Variants in GRK4 observed in about 807,000 individuals in gnomAD.
GRK4 encodes the protein G protein-coupled receptor kinase 4.
Under a neutral mutation model 77.9 loss-of-function variants are expected in GRK4, and 73 were observed. That is an observed-to-expected ratio of 0.94 (90% confidence interval 0.78 to 1.14). The LOEUF (loss-of-function observed/expected upper bound fraction) is 1.14, where lower values mean the gene tolerates loss of function less well. Ranked by LOEUF, GRK4 falls within the 50% of genes most tolerant of loss-of-function variation. The probability of loss-of-function intolerance (pLI) is 0.00; values close to 1 mark genes in which losing one functional copy is unlikely to be tolerated. For missense variants in GRK4, 729 were observed against 700.2 expected, an observed-to-expected ratio of 1.04 and a Z score of -0.46; for synonymous variants, 257 against 254.4, an observed-to-expected ratio of 1.01 and a Z score of -0.10.
chr4:3,036,213 C>T (rs1364159986), intron 13 of GRK4, among the ~76,000 whole-genome samples: 2 of 152,248 alleles, frequency 1.3e-5, no homozygotes, highest in South Asian at 2.1e-4. Context: ...GTCTGGAACG[C>T]GTGTCCCCAC....
intron 1 of GRK4, chr4:2,966,882 A>T (rs996846592): frequency 1.3e-5 from 2 of 152,246 alleles, no homozygotes; most frequent in Non-Finnish European, 2.9e-5. Context: ...AGAATCAGTC[A>T]GTCTCAATCC....
At chr4:2,973,243 C>G (rs1404290373) in intron 1 of GRK4, among the ~76,000 whole-genome samples, 1 of 152,242 alleles carries the variant, frequency 6.6e-6, no homozygotes, top group Non-Finnish European at 1.5e-5. Flanking sequence ...TGTTGCGCTG[C>G]TTGCCTCAGA....
At chr4:2,992,990 A>G (rs1328894438) in intron 4 of GRK4, among the ~76,000 whole-genome samples, 2 of 152,000 alleles carry the variant, frequency 1.3e-5, no homozygotes, top group Non-Finnish European at 2.9e-5. Flanking sequence ...TCTCAAAACT[A>G]CCTCCCAACA....
At chr4:3,010,878 G>T (rs999005432) in intron 7 of GRK4, among the ~76,000 whole-genome samples, 4 of 152,204 alleles carry the variant, frequency 2.6e-5, no homozygotes, top group Admixed American at 6.6e-5. Flanking sequence ...TTATGCACCT[G>T]CAGCTTGACA....
intron 4 of GRK4, among the ~76,000 whole-genome samples, chr4:2,992,615 G>C (rs1384191164): frequency 6.6e-6 from 1 of 151,138 alleles, no homozygotes; most frequent in Non-Finnish European, 1.5e-5. Context: ...CCAGGAGATT[G>C]AGGTGGCTGT....
chr4:3,038,401 A>G lies in GRK4; in HGVS notation c.1571A>G (p.Asp524Gly). ...ATGATCGAATCTGGGTGTTTCAAAGACATCAACAAAAGTGAAAGTGAGGAA... is the reference window on the plus strand; with the variant it reads ...ATGATCGAATCTGGGTGTTTCAAAGGCATCAACAAAAGTGAAAGTGAGGAA... ...NEMIESGCFK[D>G]INKSESEEAL... The change falls in exon 15 of 16, where the codon GAC (aspartate) becomes GGC (glycine). Residue 524 changes from aspartate (D) to glycine (G), a missense_variant. By Grantham distance (94) the Asp-to-Gly change is moderately conservative. Transcript: ENST00000398052. 1 of 1,614,232 alleles carries G rather than the reference A, an allele frequency of 6.2e-7. No individual in the cohort carries two copies. The highest frequency in any genetic ancestry group is 8.5e-7 in the Non-Finnish European group (1 of 1,180,036).
chr4:2,970,144 C>T (rs902062664), intron 1 of GRK4, among the ~76,000 whole-genome samples: 2 of 152,140 alleles, frequency 1.3e-5, no homozygotes, highest in African/African-American at 4.8e-5. Context: ...TAATGTCTAC[C>T]GTCTGTTACT....
At chr4:2,997,638 G>A (rs959708788) in intron 4 of GRK4, among the ~76,000 whole-genome samples, 10 of 152,274 alleles carry the variant, frequency 6.6e-5, no homozygotes, top group Admixed American at 1.3e-4. Context: ...GGCCGGGTGT[G>A]GTGGTGTTCA....
rs1730695038 is a variant in GRK4 at position 3,004,368 on chromosome 4, T to A, written c.443+34T>A. The A allele has an allele frequency of 4.5e-6, 6 of 1,337,406 alleles. No homozygotes were observed. The East Asian group carries it at 1.4e-4, about 31-fold the overall frequency. The allele number at this position is 1,337,406 out of a possible 1,614,324, so 82.8% of individuals were successfully genotyped here. ...TTCATGCTGAGCCCTGCATATATTATCTATGACTAACCCCAAAACAGACAG... is the reference window on the plus strand; with the variant it reads ...TTCATGCTGAGCCCTGCATATATTAACTATGACTAACCCCAAAACAGACAG... On this transcript the variant is annotated intron_variant, in intron 5 of 15. Coordinates refer to ENST00000398052, the MANE Select transcript of GRK4 (RefSeq NM_182982.3).
chr4:3,037,720 G>C (rs527256930), intron 14 of GRK4, among the ~76,000 whole-genome samples: 60 of 152,152 alleles, frequency 3.9e-4, no homozygotes, highest in Admixed American at 2.9e-3. Context: ...TTCGAGACCA[G>C]CCTGGCCAAC....
rs977201058 is a variant in GRK4 at position 3,040,584 on chromosome 4, A to G, written c.1696A>G (p.Met566Val). The G allele has an allele frequency of 1.2e-6, 2 of 1,610,580 alleles. No homozygotes were observed. Among genetic ancestry groups the G allele is most frequent in the Non-Finnish European group, 1.7e-6 (2 of 1,178,756 alleles). Reference sequence around the variant, plus strand: ...CTGTGTGTTGTAGGGCTGCCTGACCATGGTCCCCAGTGAGAAGGAAGTGGA... The same window carrying G: ...CTGTGTGTTGTAGGGCTGCCTGACCGTGGTCCCCAGTGAGAAGGAAGTGGA... ...RLFRRGGCLT[M>V]VPSEKEVEPK... The change falls in exon 16 of 16, where the codon ATG (methionine) becomes GTG (valine). Residue 566 changes from methionine to valine, a missense_variant. Coordinates refer to ENST00000398052, the MANE Select transcript of GRK4 (RefSeq NM_182982.3).
rs765278018 is a variant in GRK4, at chr4:2,963,971, G to T, written c.-100G>T. 2 of 1,075,848 alleles carry T rather than the reference G, an allele frequency of 1.9e-6. No individual in the cohort carries two copies. Among genetic ancestry groups the T allele is most frequent in the Admixed American group, 4.0e-5 (2 of 50,272 alleles). The allele number at this position is 1,075,848 out of a possible 1,614,324, so 66.6% of individuals were successfully genotyped here. ...GTCCGGAGCTCGAGGAGAGGGTGGT[G>T]CCCGGCGAGCTATGCACGGGGGCGG... On this transcript the variant is annotated 5_prime_UTR_variant, in exon 1 of 16. Coordinates refer to ENST00000398052, the MANE Select transcript of GRK4 (RefSeq NM_182982.3).
intron 1 of GRK4, among the ~76,000 whole-genome samples, chr4:2,964,531 C>T (rs1716875821): frequency 6.6e-6 from 1 of 152,154 alleles, no homozygotes; most frequent in Non-Finnish European, 1.5e-5. Flanking sequence ...CAAAGAATAG[C>T]AGCCTGGGAA....
At chr4:3,022,333 C>A in intron 9 of GRK4, 81 bp from the exon 10 acceptor site, 1 of 1,394,440 alleles carries the variant, frequency 7.2e-7, no homozygotes, top group Non-Finnish European at 1.0e-6. Flanking sequence ...CCCTTGCTCA[C>A]GCTGGTTGTT....
intron 9 of GRK4, 59 bp from the exon 10 acceptor site, chr4:3,022,355 C>T: frequency 6.4e-7 from 1 of 1,558,136 alleles, no homozygotes. Context: ...CTACTGGGTA[C>T]TCAGGAATCA....
At position 2,976,727 on chromosome 4, in the gene GRK4, G is replaced by A. The variant is rs571049426; in HGVS notation, c.53-7786G>A. 5.8e-5 allele frequency among the ~76,000 whole-genome samples: 8 copies of A among 138,904 alleles called. No homozygotes were observed. In the South Asian group the frequency reaches 1.4e-3, roughly 25 times the overall value. The allele number at this position is 138,904 out of a possible 152,430, so 91.1% of individuals were successfully genotyped here. ...ATGATCCCAGCTCACCACAACCTCC[G>A]CTTCCAGGTTCAGGTGATTCTCCCG... On this transcript the variant is annotated intron_variant, in intron 1 of 15. Transcript: ENST00000398052.
At chr4:3,020,798 GA>G (rs994861947) in intron 9 of GRK4, among the ~76,000 whole-genome samples, 7 of 141,382 alleles carry the variant, frequency 5.0e-5, no homozygotes, top group African/African-American at 8.0e-5. Flanking sequence ...ATGAAAGGGG[GA>G]AAAAAAAGAG....
At chr4:2,977,483 G>A (rs1263316) in intron 1 of GRK4, among the ~76,000 whole-genome samples, 87 of 152,356 alleles carry the variant, frequency 5.7e-4, no homozygotes, top group Admixed American at 8.5e-4. Context: ...ATCTGTATCA[G>A]TTAAACTGAT....
intron 1 of GRK4, among the ~76,000 whole-genome samples, chr4:2,979,043 C>T (rs985114140): frequency 2.0e-5 from 3 of 151,942 alleles, no homozygotes; most frequent in East Asian, 3.9e-4. Flanking sequence ...TCCTGGTTAA[C>T]GTGGTGAAAC....
Sources: gnomAD v4.1 joint callset for allele counts (sites outside exome capture counted in the v4.1 genomes callset) on GRCh38, gnomAD v4.1.1 for gene constraint, MANE v1.5 for transcripts, NCBI Gene and HGNC (gene_info 2026-07-23, HGNC 2026-07-21) for gene names.